ADAMTS19: variants seen among roughly 807,000 people sequenced by gnomAD.
ADAMTS19 encodes the protein A disintegrin and metalloproteinase with thrombospondin motifs 19.
ADAMTS19 carries 93 observed loss-of-function variants against 153.3 expected under a neutral mutation model. The ratio of observed to expected loss-of-function variants is 0.61; its 90% CI spans 0.51 to 0.72. The LOEUF is 0.72. Among genes scored for constraint, ADAMTS19 ranks in the 30% least tolerant of loss-of-function variants. The pLI, the probability that ADAMTS19 is intolerant of heterozygous loss-of-function variation, is 0.00. For synonymous variants in ADAMTS19, 600 were observed against 556.6 expected (o/e 1.08, Z -1.10); for missense variants, 1,482 against 1,552.1 (o/e 0.95, Z 0.76).
chr5:129,460,529 G>A (rs1749612140), intron 1 of ADAMTS19, 47 bp downstream of exon 1: 2 of 1,610,616 alleles, frequency 1.2e-6, no homozygotes, highest in African/African-American at 1.3e-5. Context: ...CCATCCCAGC[G>A]GAGACCGCGA....
intron 3 of ADAMTS19, among the ~76,000 whole-genome samples, chr5:129,523,085 TA>T (rs1383308127): frequency 6.7e-6 from 1 of 148,550 alleles, no homozygotes; most frequent in Non-Finnish European, 1.5e-5. Flanking sequence ...CAAGAGAAGA[TA>T]AATTAATTCT....
intron 7 of ADAMTS19, among the ~76,000 whole-genome samples, chr5:129,552,284 A>T (rs1581076363): frequency 6.6e-6 from 1 of 151,820 alleles, no homozygotes; most frequent in African/African-American, 2.4e-5. Flanking sequence ...ATGTATGCTT[A>T]AAGACCTTCG....
intron 2 of ADAMTS19, among the ~76,000 whole-genome samples, chr5:129,492,893 T>A (rs2126694037): frequency 6.6e-6 from 1 of 152,314 alleles, no homozygotes; most frequent in South Asian, 2.1e-4. Flanking sequence ...GATGTTGAGA[T>A]AGTTTCTGTT....
chr5:129,622,087 G>A (rs1751801446), intron 9 of ADAMTS19, 111 bp from the exon 10 acceptor site: 7 of 1,026,284 alleles, frequency 6.8e-6, no homozygotes, highest in Admixed American at 4.7e-5. Context: ...CAATGGAAGA[G>A]CTTAGAGATA....
intron 3 of ADAMTS19, among the ~76,000 whole-genome samples, chr5:129,519,768 T>C (rs567720392): frequency 1.3e-5 from 2 of 152,238 alleles, no homozygotes; most frequent in South Asian, 4.1e-4. Context: ...CTACAGCCAA[T>C]TTATATATTG....
chr5:129,461,410 G>C lies in ADAMTS19; in HGVS notation c.400G>C (p.Gly134Arg). Residue 134 changes from glycine to arginine, a missense_variant, in exon 2 of 23, where the codon GGG (glycine) becomes CGG (arginine). This residue lies in a region of ADAMTS19 where 866 missense variants were observed against 827.7 expected (regional missense o/e 1.05). Transcript: ENST00000274487. The surrounding 1 kb of genome is among the most constrained non-coding windows in gnomAD (Gnocchi z 4.6). The part of the protein sequence containing the change: ...ESQELPRGSS[G>R]AAALSPGAPA... ...GCAGGAGCTGCCGCGGGGATCCAGCGGGGCTGCCGCCTTGTCCCCGGGCGC... is the reference window on the plus strand; with the variant it reads ...GCAGGAGCTGCCGCGGGGATCCAGCCGGGCTGCCGCCTTGTCCCCGGGCGC... 1 of 1,365,626 alleles carries C rather than the reference G, an allele frequency of 7.3e-7. No homozygotes were observed. The highest frequency in any genetic ancestry group is 9.3e-7 in the Non-Finnish European group (1 of 1,071,834). The allele number at this position is 1,365,626 out of a possible 1,614,324, so 84.6% of individuals were successfully genotyped here. A position where few individuals can be genotyped will look rare whatever the true frequency, so the allele number is the denominator to read the frequency against.
At chr5:129,705,148 TGAC>T (rs1756085229) in intron 21 of ADAMTS19, among the ~76,000 whole-genome samples, 1 of 30,498 alleles carries the variant, frequency 3.3e-5, no homozygotes, top group Admixed American at 4.1e-4. Flanking sequence ...TATTATATAC[TGAC>T]TATCATGAAA....
At chr5:129,589,510 C>A (rs1046211981) in intron 7 of ADAMTS19, among the ~76,000 whole-genome samples, 2 of 151,902 alleles carry the variant, frequency 1.3e-5, no homozygotes, top group Non-Finnish European at 2.9e-5. Context: ...ACTTGAACAA[C>A]TTTTATCACA....
chr5:129,614,407 G>C (rs970245131), intron 8 of ADAMTS19, among the ~76,000 whole-genome samples: 39 of 152,078 alleles, frequency 2.6e-4, no homozygotes, highest in African/African-American at 8.9e-4. Context: ...ACGTAATCCA[G>C]CATATAAACA....
intron 16 of ADAMTS19, among the ~76,000 whole-genome samples, chr5:129,677,658 C>A (rs981450554): frequency 1.3e-5 from 2 of 152,104 alleles, no homozygotes; most frequent in African/African-American, 4.8e-5. Context: ...TACTCTGAAA[C>A]AAATCTTGAT....
chr5:129,670,403 A>G (rs1370455599), intron 16 of ADAMTS19, among the ~76,000 whole-genome samples: 1 of 152,192 alleles, frequency 6.6e-6, no homozygotes, highest in African/African-American at 2.4e-5. Flanking sequence ...ACATACATCC[A>G]TAAATCCTCA....
intron 14 of ADAMTS19, among the ~76,000 whole-genome samples, chr5:129,655,937 TTA>T (rs1364692893): frequency 6.6e-6 from 1 of 152,214 alleles, no homozygotes; most frequent in African/African-American, 2.4e-5. Flanking sequence ...TCATTAAAAA[TTA>T]TAGATATTTT....
intron 21 of ADAMTS19, among the ~76,000 whole-genome samples, chr5:129,723,961 AATTT>A (rs1757106702): frequency 6.6e-6 from 1 of 152,238 alleles, no homozygotes; most frequent in African/African-American, 2.4e-5. Flanking sequence ...TGATTGAAAG[AATTT>A]ATTTAAAGAC....
intron 18 of ADAMTS19, among the ~76,000 whole-genome samples, chr5:129,690,144 A>G (rs1001949799): frequency 6.8e-6 from 1 of 146,242 alleles, no homozygotes; most frequent in Non-Finnish European, 1.5e-5. Context: ...TGGTCCAAAG[A>G]TGAATATGTC....
intron 21 of ADAMTS19, among the ~76,000 whole-genome samples, chr5:129,727,755 G>T (rs1350362623): frequency 6.6e-6 from 1 of 152,084 alleles, no homozygotes; most frequent in Non-Finnish European, 1.5e-5. Flanking sequence ...TTAACAAAGT[G>T]CCTGGCATAT....
intron 11 of ADAMTS19, among the ~76,000 whole-genome samples, chr5:129,644,810 A>G (rs944899598): frequency 4.6e-5 from 7 of 152,184 alleles, no homozygotes; most frequent in Non-Finnish European, 1.0e-4. Flanking sequence ...AGAACCTTAG[A>G]CTGTTTGGAA....
At chr5:129,617,014 TG>T (rs1366534153) in intron 8 of ADAMTS19, among the ~76,000 whole-genome samples, 4 of 152,124 alleles carry the variant, frequency 2.6e-5, no homozygotes, top group African/African-American at 9.6e-5. Context: ...CTTCCTCATT[TG>T]TAAAATAGAA....
chr5:129,539,197 G>A (rs1293445345), intron 6 of ADAMTS19, among the ~76,000 whole-genome samples: 2 of 152,106 alleles, frequency 1.3e-5, no homozygotes, highest in Non-Finnish European at 2.9e-5. Flanking sequence ...CTTTGCAAAT[G>A]TGATTAAGGA....
chr5:129,525,162 G>C (rs1327845471), intron 3 of ADAMTS19, among the ~76,000 whole-genome samples: 1 of 152,096 alleles, frequency 6.6e-6, no homozygotes, highest in Non-Finnish European at 1.5e-5. Flanking sequence ...TCTGATGGCT[G>C]TATGTTTTAG....
Sources: gnomAD v4.1 joint callset for allele counts (sites outside exome capture counted in the v4.1 genomes callset) on GRCh38, gnomAD v4.1.1 for gene constraint, gnomAD v4.1.1 regional missense constraint, Gnocchi (gnomAD v3.1) non-coding constraint, MANE v1.5 for transcripts, NCBI Gene and HGNC (gene_info 2026-07-23, HGNC 2026-07-21) for gene names.